The following MMS19 variants were observed in gnomAD, a reference collection of about 807,000 sequenced individuals.
The protein encoded by MMS19 is MMS19 nucleotide excision repair protein homolog.
Under a neutral mutation model 129.8 loss-of-function variants are expected in MMS19, and 77 were observed. The observed-to-expected ratio is 0.59, with a 90% CI of 0.49 to 0.72. The LOEUF (loss-of-function observed/expected upper bound fraction) is 0.72, where lower values mean the gene tolerates loss of function less well. Among genes scored for constraint, MMS19 ranks in the 30% least tolerant of loss-of-function variants. The probability of loss-of-function intolerance (pLI) is 0.00; values close to 1 mark genes in which losing one functional copy is unlikely to be tolerated. For synonymous variants in MMS19, 491 were observed against 502.8 expected, an observed-to-expected ratio of 0.98 and a Z score of 0.31; for missense variants, 1,168 against 1,266.3, an observed-to-expected ratio of 0.92 and a Z score of 1.18.
At chr10:97,478,681 G>A (rs777512826) in intron 3 of MMS19, among the ~76,000 whole-genome samples, 1 of 152,086 alleles carries the variant, frequency 6.6e-6, no homozygotes, top group Admixed American at 6.5e-5. Flanking sequence ...TTCCTAAAGG[G>A]TCAGACAGTA....
intron 2 of MMS19, 85 bp from the exon 3 acceptor site, chr10:97,481,127 C>A: frequency 1.1e-6 from 1 of 876,680 alleles, no homozygotes; most frequent in South Asian, 1.5e-5. Context: ...GTCACACTCA[C>A]CCCCTGGGCA....
At chr10:97,480,769 T>C in intron 3 of MMS19, 173 bp downstream of exon 3, 1 of 623,056 alleles carries the variant, frequency 1.6e-6, no homozygotes, top group Non-Finnish European at 2.9e-6. Flanking sequence ...ATGTGTCTTG[T>C]GTCTCAATTC....
intron 1 of MMS19, among the ~76,000 whole-genome samples, chr10:97,496,932 C>T (rs1015041135): frequency 2.0e-5 from 3 of 152,120 alleles, no homozygotes; most frequent in African/African-American, 7.2e-5. Context: ...AGGATAGATC[C>T]TAAGTGATGT....
intron 3 of MMS19, among the ~76,000 whole-genome samples, chr10:97,479,518 G>C (rs1002460956): frequency 6.6e-6 from 1 of 152,176 alleles, no homozygotes; most frequent in East Asian, 1.9e-4. Context: ...TGTTGTAGGA[G>C]TTATTAAGAA....
intron 25 of MMS19, among the ~76,000 whole-genome samples, 178 bp downstream of exon 25, chr10:97,460,517 A>G (rs2031490748): frequency 6.6e-6 from 1 of 152,180 alleles, no homozygotes; most frequent in South Asian, 2.1e-4. Context: ...GGCTGGAGTG[A>G]GCTGTGATTG....
At position 97,459,903 on chromosome 10, in the gene MMS19, G is replaced by A. The variant is rs375192038; in HGVS notation, c.2656+143C>T. Reference sequence around the variant, plus strand: ...ATACGCCCATGAAAGGAAGAAGTGGGACAAGAATCTAGAAGTTTAGTCTTC... The same window carrying A: ...ATACGCCCATGAAAGGAAGAAGTGGAACAAGAATCTAGAAGTTTAGTCTTC... On this transcript the variant is annotated intron_variant, in intron 26 of 30. Transcript: ENST00000438925. The A allele has an allele frequency of 2.9e-6, 3 of 1,033,396 alleles. No homozygotes were observed. The African/African-American group carries it at 4.8e-5, about 17-fold the overall frequency. The allele number at this position is 1,033,396 out of a possible 1,614,324, so 64.0% of individuals were successfully genotyped here.
At chr10:97,468,837 G>GGTGATCC in intron 12 of MMS19, 129 bp downstream of exon 12, 1 of 952,332 alleles carries the variant, frequency 1.1e-6, no homozygotes, top group Non-Finnish European at 1.5e-6. Flanking sequence ...TTTAACTCCT[G>GGTGATCC]ACCTCAGGTG....
chr10:97,498,635 T>G (rs757128485), upstream of MMS19: 14 of 458,786 alleles, frequency 3.1e-5, no homozygotes, highest in African/African-American at 6.4e-5. Context: ...CCAGCCCGGC[T>G]CCCCGGGAGA....
chr10:97,489,083 C>G (rs1179255560), intron 1 of MMS19, among the ~76,000 whole-genome samples: 1 of 152,052 alleles, frequency 6.6e-6, no homozygotes, highest in Admixed American at 6.6e-5. Context: ...TCAAGTGATC[C>G]GCCTGCCTTG....
rs745497598 is a variant in MMS19, at chr10:97,467,581, G to A, written c.1221C>T (p.Ser407=). 6.2e-7 allele frequency: 1 copy of A among 1,613,784 alleles called. No homozygotes were observed. The highest frequency in any genetic ancestry group is 8.5e-7 in the Non-Finnish European group (1 of 1,179,716). The change falls in exon 14 of 31, where the codon AGC becomes AGT. Residue 407 remains serine, a splice_region_variant and synonymous_variant. Coordinates refer to ENST00000438925, the MANE Select transcript of MMS19 (RefSeq NM_022362.5). Reference sequence around the variant, plus strand: ...TTTCAAGGATTGTCCGCCGCTGGCTGCTCTGTAACGTTTCAAGGGGTACTA... The same window carrying A: ...TTTCAAGGATTGTCCGCCGCTGGCTACTCTGTAACGTTTCAAGGGGTACTA... The part of the protein sequence containing the change: ...LLEQFHKHSQ[S]SQRRTILEML...
chr10:97,462,034 T>G lies in MMS19; in HGVS notation c.2098A>C (p.Arg700=). 1.3e-6 allele frequency: 2 copies of G among 1,591,976 alleles called. No individual in the cohort carries two copies. Among genetic ancestry groups the G allele is most frequent in the Non-Finnish European group, 1.7e-6 (2 of 1,169,080 alleles). ...SFLPENSFPS[R]FQPFQDGSSG... ...ACTGTTACCTGGAATGGCTGGAATCTGCTCGGGAAGCTGTTTTCAGGCAGA... is the reference window on the plus strand; with the variant it reads ...ACTGTTACCTGGAATGGCTGGAATCGGCTCGGGAAGCTGTTTTCAGGCAGA... Residue 700 remains arginine (R), a synonymous_variant, in exon 21 of 31, where the codon AGA becomes CGA. Transcript: ENST00000438925.
Position 97,461,510 on chromosome 10 carries a change from T to C in MMS19, c.2297A>G (p.Asn766Ser). ...AAAKCFAGLLNKHPAGQQLDE... is the reference protein window; with the variant it reads ...AAAKCFAGLLSKHPAGQQLDE... The stretch of plus-strand genomic sequence containing the variant: ...GATCTCAGTACCTGCAGGGTGCTTG[T>C]TGAGGAGTCCTGCAAAGCACTTGGC... Residue 766 changes from asparagine (N) to serine (S), a missense_variant, in exon 23 of 31, where the codon AAC (asparagine) becomes AGC (serine). Asn to Ser is a conservative substitution (Grantham distance 46, BLOSUM62 1). Coordinates refer to ENST00000438925, the MANE Select transcript of MMS19 (RefSeq NM_022362.5). 4 of 1,606,718 alleles carry C rather than the reference T, an allele frequency of 2.5e-6. No individual in the cohort carries two copies. Among genetic ancestry groups the C allele is most frequent in the African/African-American group, 2.7e-5 (2 of 74,892 alleles).
At chr10:97,467,713 G>T in intron 13 of MMS19, 130 bp from the exon 14 acceptor site, 1 of 772,530 alleles carries the variant, frequency 1.3e-6, no homozygotes, top group Non-Finnish European at 2.1e-6. Flanking sequence ...AGCCAGGCTG[G>T]AATACAGTAG....
At position 97,471,183 on chromosome 10, in the gene MMS19, A is replaced by AAT. The variant is rs199974781; in HGVS notation, c.685-324_685-323dup. Reference sequence around the variant, plus strand: ...GCTAGTATATACTGTTTCCATATAAAATATATATATACTTAAAAATCATTT... The same window carrying AAT: ...GCTAGTATATACTGTTTCCATATAAAATATATATATATACTTAAAAATCATTT... On this transcript the variant is annotated intron_variant, in intron 8 of 30. Coordinates refer to ENST00000438925, the MANE Select transcript of MMS19 (RefSeq NM_022362.5). 1.2e-4 allele frequency among the ~76,000 whole-genome samples: 18 copies of AAT among 152,198 alleles called. No homozygotes were observed. In the East Asian group the frequency reaches 2.7e-3, roughly 23 times the overall value.
Position 97,458,632 on chromosome 10 carries a change from G to C in MMS19, c.*60C>G. The stretch of plus-strand genomic sequence containing the variant: ...TGGTTTCCCTGCTTTGGGGAAGATG[G>C]CTCAACAGTTAGTAATCCCAGGTTA... On this transcript the variant is annotated 3_prime_UTR_variant, in exon 31 of 31. Coordinates refer to ENST00000438925, the MANE Select transcript of MMS19 (RefSeq NM_022362.5). 6.5e-7 allele frequency: 1 copy of C among 1,527,628 alleles called. No individual in the cohort carries two copies. The highest frequency in any genetic ancestry group is 8.9e-7 in the Non-Finnish European group (1 of 1,129,230). 94.6% of individuals were successfully genotyped at this position (1,527,628 alleles called of 1,614,324 possible). A position where few individuals can be genotyped will look rare whatever the true frequency, so the allele number is the denominator to read the frequency against.
At chr10:97,484,389 C>T (rs1039008321) in intron 1 of MMS19, among the ~76,000 whole-genome samples, 1 of 151,796 alleles carries the variant, frequency 6.6e-6, no homozygotes, top group African/African-American at 2.4e-5. Flanking sequence ...GAGCGTATAT[C>T]CTGAAAATCC....
chr10:97,497,289 A>G (rs1436007403), intron 1 of MMS19, among the ~76,000 whole-genome samples: 1 of 152,246 alleles, frequency 6.6e-6, no homozygotes, highest in East Asian at 1.9e-4. Flanking sequence ...TGATTGAATT[A>G]AAGTGGAATA....
At chr10:97,468,492 C>A in intron 12 of MMS19, 86 bp from the exon 13 acceptor site, 1 of 1,314,146 alleles carries the variant, frequency 7.6e-7, no homozygotes, top group Non-Finnish European at 1.0e-6. Flanking sequence ...GAGACTGAGA[C>A]CCATGACAGT....
chr10:97,497,413 C>T (rs1481456995), intron 1 of MMS19, among the ~76,000 whole-genome samples: 1 of 152,132 alleles, frequency 6.6e-6, no homozygotes, highest in Admixed American at 6.5e-5. Context: ...TCTCTCCAAG[C>T]ATACGAAATT....
Sources: gnomAD v4.1 joint callset for allele counts (sites outside exome capture counted in the v4.1 genomes callset) on GRCh38, gnomAD v4.1.1 for gene constraint, MANE v1.5 for transcripts, NCBI Gene and HGNC (gene_info 2026-07-23, HGNC 2026-07-21) for gene names.